KLHL35: variants seen among roughly 807,000 people sequenced by gnomAD.
The protein encoded by KLHL35 is kelch-like protein 35.
KLHL35 carries 50 observed loss-of-function variants against 44.0 expected under a neutral mutation model. The observed-to-expected ratio is 1.14, with a 90% CI of 0.91 to 1.44. The LOEUF is 1.44. Among genes scored for constraint, KLHL35 ranks in the 40% most tolerant of loss-of-function variants. The pLI is 0.00. For missense variants in KLHL35, 1,049 were observed against 887.8 expected (o/e 1.18, Z -2.31); for synonymous variants, 470 against 410.4 (o/e 1.15, Z -1.76).
chr11:75,428,597 A>T lies in KLHL35; in HGVS notation c.911T>A (p.Val304Asp), dbSNP rs1367858631. The change falls in exon 3 of 7, where the codon GTC (valine) becomes GAC (aspartate). Residue 304 changes from valine (V) to aspartate (D), a missense_variant. Physicochemically the swap from Val to Asp is radical, Grantham distance 152 (BLOSUM62 -3). Coordinates refer to ENST00000539798, the MANE Select transcript of KLHL35 (RefSeq NM_001039548.3). Reference sequence around the variant, plus strand: ...ACCTTTGCGGTCGCAACCGCCGATGACCACGATCACTTCAGCTAGGTCCAT... The same window carrying T: ...ACCTTTGCGGTCGCAACCGCCGATGTCCACGATCACTTCAGCTAGGTCCAT... ...RFMDLAEVIVVIGGCDRKGLL... is the reference protein window; with the variant it reads ...RFMDLAEVIVDIGGCDRKGLL... The T allele has an allele frequency of 6.2e-7, 1 of 1,604,152 alleles. No individual in the cohort carries two copies. The highest frequency in any genetic ancestry group is 2.2e-5 in the East Asian group (1 of 44,850).
intron 2 of KLHL35, among the ~76,000 whole-genome samples, chr11:75,428,949 C>T (rs927817192): frequency 1.3e-5 from 2 of 152,334 alleles, no homozygotes; most frequent in South Asian, 2.1e-4. Context: ...GGGATTATTA[C>T]CCCTTTCTCA....
intron 2 of KLHL35, among the ~76,000 whole-genome samples, chr11:75,429,119 C>G (rs1948513680): frequency 6.6e-6 from 1 of 152,230 alleles, no homozygotes; most frequent in African/African-American, 2.4e-5. Flanking sequence ...ATGACATCCC[C>G]TCATCCCTAA....
intron 6 of KLHL35, 93 bp from the exon 7 acceptor site, chr11:75,422,861 C>T: frequency 8.3e-7 from 1 of 1,208,740 alleles, no homozygotes; most frequent in East Asian, 2.3e-5. Context: ...CCTTGACCCA[C>T]AGACTGTGAA....
In KLHL35 at chr11:75,428,634, G is replaced by A. The variant is rs567459790; in HGVS notation, c.882-8C>T. The A allele has an allele frequency of 1.4e-4, 223 of 1,573,540 alleles. No individual in the cohort carries two copies. In the South Asian group the frequency reaches 1.6e-3, roughly 11 times the overall value. ...TCAGCTAGGTCCATGAATCTGGCGT[G>A]CGGATAAGCCCAGTGCCTGTTGGGC... On this transcript the variant is annotated splice_region_variant and splice_polypyrimidine_tract_variant and intron_variant, in intron 2 of 6. Transcript: ENST00000539798.
intron 2 of KLHL35, 102 bp downstream of exon 2, chr11:75,429,643 CTGAA>C (rs757142127): frequency 2.2e-5 from 28 of 1,299,188 alleles, no homozygotes; most frequent in Non-Finnish European, 2.7e-5. Context: ...GAACGAATGA[CTGAA>C]TATCATCAAG....
chr11:75,427,026 A>G (rs1948498158), intron 3 of KLHL35, among the ~76,000 whole-genome samples: 1 of 152,188 alleles, frequency 6.6e-6, no homozygotes, highest in South Asian at 2.1e-4. Flanking sequence ...GGAAAAGCAG[A>G]GCCAGCTGCA....
chr11:75,432,471 C>T (rs918588953), intron 1 of KLHL35, among the ~76,000 whole-genome samples: 6 of 152,150 alleles, frequency 3.9e-5, no homozygotes, highest in African/African-American at 1.4e-4. Context: ...GGAAGTGAGA[C>T]CGGTCATCAC....
intron 1 of KLHL35, among the ~76,000 whole-genome samples, chr11:75,432,396 A>G (rs1948544230): frequency 6.6e-6 from 1 of 152,202 alleles, no homozygotes; most frequent in Admixed American, 6.5e-5. Context: ...ACCTGGCTCC[A>G]GGGTTTGCAT....
rs759314666 is a variant in KLHL35 at position 75,425,524 on chromosome 11, C to G, written c.1243G>C (p.Asp415His). 2 of 1,555,828 alleles carry G rather than the reference C, an allele frequency of 1.3e-6. No individual in the cohort carries two copies. The highest frequency in any genetic ancestry group is 2.0e-5 in the Admixed American group (1 of 49,256). ...GCCGCCCAGGTGTTGGAGAAGGGGT[C>G]GTAGCGCTCCACGCTGTGCAGGCGC... The part of the protein sequence containing the change: ...LRRLHSVERY[D>H]PFSNTWAAAA... The change falls in exon 5 of 7, where the codon GAC (aspartate) becomes CAC (histidine). Residue 415 changes from aspartate to histidine, a missense_variant. By Grantham distance (81) the Asp-to-His change is moderately conservative. Coordinates refer to ENST00000539798, the MANE Select transcript of KLHL35 (RefSeq NM_001039548.3).
At position 75,423,784 on chromosome 11, in the gene KLHL35, T is replaced by C; in HGVS notation, c.1471A>G (p.Ile491Val). The change falls in exon 6 of 7, where the codon ATC (isoleucine) becomes GTC (valine). Residue 491 changes from isoleucine to valine, a missense_variant. Transcript: ENST00000539798. ...CTCATGAGACCCCCCATGACATAGA[T>C]GGTGTCCTCAAGGGAGACAGCCTCG... is the stretch of plus-strand genomic sequence containing the variant. ...CLEAVSLEDT[I>V]YVMGGLMSKI... 1.2e-6 allele frequency: 2 copies of C among 1,613,810 alleles called. No homozygotes were observed. Among genetic ancestry groups the C allele is most frequent in the East Asian group, 2.2e-5 (1 of 44,882 alleles).
At position 75,428,598 on chromosome 11, in the gene KLHL35, C is replaced by T. The variant is rs1459786486; in HGVS notation, c.910G>A (p.Val304Ile). The change falls in exon 3 of 7, where the codon GTC becomes ATC. Residue 304 changes from valine to isoleucine, a missense_variant. Val to Ile is a conservative substitution (Grantham distance 29). Transcript: ENST00000539798. ...CCTTTGCGGTCGCAACCGCCGATGA[C>T]CACGATCACTTCAGCTAGGTCCATG... ...RFMDLAEVIVVIGGCDRKGLL... is the reference protein window; with the variant it reads ...RFMDLAEVIVIIGGCDRKGLL... 6.2e-7 allele frequency: 1 copy of T among 1,603,742 alleles called. No individual in the cohort carries two copies. Among genetic ancestry groups the T allele is most frequent in the South Asian group, 1.1e-5 (1 of 89,802 alleles).
In KLHL35 at chr11:75,425,534, C is replaced by T; in HGVS notation, c.1233G>A (p.Val411=). 2 of 1,529,876 alleles carry T rather than the reference C, an allele frequency of 1.3e-6. No individual in the cohort carries two copies. The highest frequency in any genetic ancestry group is 1.3e-5 in the South Asian group (1 of 79,716). The allele number at this position is 1,529,876 out of a possible 1,614,324, so 94.8% of individuals were successfully genotyped here. A position where few individuals can be genotyped will look rare whatever the true frequency, so the allele number is the denominator to read the frequency against. The stretch of plus-strand genomic sequence containing the variant: ...TGTTGGAGAAGGGGTCGTAGCGCTC[C>T]ACGCTGTGCAGGCGCCTCAGGCCGT... ...GFDGLRRLHS[V]ERYDPFSNTW... is the part of the protein sequence containing the mutation. The change falls in exon 5 of 7, where the codon GTG becomes GTA. Residue 411 remains valine, a synonymous_variant. Transcript: ENST00000539798.
rs765652668 is a variant in KLHL35 at position 75,430,402 on chromosome 11, C to T, written c.228G>A (p.Glu76=). 1 of 1,376,286 alleles carries T rather than the reference C, an allele frequency of 7.3e-7. No individual in the cohort carries two copies. The highest frequency in any genetic ancestry group is 1.5e-5 in the South Asian group (1 of 65,638). The allele number at this position is 1,376,286 out of a possible 1,614,324, so 85.3% of individuals were successfully genotyped here. A position where few individuals can be genotyped will look rare whatever the true frequency, so the allele number is the denominator to read the frequency against. ...CCACTGGCACCACGGCCGGGCCGCG[C>T]TCGGGCCGCCCGGCCGCGAACAAGC... The part of the protein sequence containing the change: ...FRSLFAAGRP[E]RGPAVVPVVP... The change falls in exon 2 of 7, where the codon GAG becomes GAA. Residue 76 remains glutamate, a synonymous_variant. Coordinates refer to ENST00000539798, the MANE Select transcript of KLHL35 (RefSeq NM_001039548.3).
intron 6 of KLHL35, 106 bp downstream of exon 6, chr11:75,423,586 T>A: frequency 1.2e-6 from 1 of 851,418 alleles, no homozygotes; most frequent in Non-Finnish European, 1.9e-6. Flanking sequence ...AGCTAGAGAG[T>A]GATGTATAAT....
Position 75,433,040 on chromosome 11 carries a change from T to C in KLHL35, c.-2+3A>G, listed in dbSNP as rs1267637899. Among the ~76,000 whole-genome samples the C allele has an allele frequency of 2.6e-5, 4 of 152,180 alleles. No homozygotes were observed. The highest frequency in any genetic ancestry group is 1.9e-4 in the East Asian group (1 of 5,196). Reference sequence around the variant, plus strand: ...AGCCTTGCCCCATGCACCTGGCACTTACCTGGCCATACCCTCTCCCAAGTG... The same window carrying C: ...AGCCTTGCCCCATGCACCTGGCACTCACCTGGCCATACCCTCTCCCAAGTG... On this transcript the variant is annotated splice_donor_region_variant and intron_variant, in intron 1 of 6. Coordinates refer to ENST00000539798, the MANE Select transcript of KLHL35 (RefSeq NM_001039548.3).
Position 75,423,715 on chromosome 11 carries a change from C to T in KLHL35, c.1540G>A (p.Ala514Thr). 1 of 1,613,758 alleles carries T rather than the reference C, an allele frequency of 6.2e-7. No homozygotes were observed. The highest frequency in any genetic ancestry group is 8.5e-7 in the Non-Finnish European group (1 of 1,179,810). ...YDPGTDVWGE[A>T]AVLPSPVESC... is the part of the protein sequence containing the mutation. The stretch of plus-strand genomic sequence containing the variant: ...ACCACAGGGCTGGGGAGGACAGCTG[C>T]CTCCCCCCACACATCTGTGCCTGGA... The change falls in exon 6 of 7, where the codon GCA becomes ACA. Residue 514 changes from alanine to threonine, a missense_variant. Ala to Thr is a moderately conservative substitution (Grantham distance 58). Transcript: ENST00000539798.
At chr11:75,426,238 G>A in intron 4 of KLHL35, 1 of 227,958 alleles carries the variant, frequency 4.4e-6, no homozygotes, top group Non-Finnish European at 8.7e-6. Flanking sequence ...TACAGCCACT[G>A]CGCCCGGCCG....
chr11:75,428,327 G>C, intron 3 of KLHL35, 115 bp downstream of exon 3: 1 of 1,227,052 alleles, frequency 8.1e-7, no homozygotes. Context: ...AATAACTGTA[G>C]GTTATCAGAA....
chr11:75,432,411 C>T (rs757431155), intron 1 of KLHL35, among the ~76,000 whole-genome samples: 32 of 152,216 alleles, frequency 2.1e-4, no homozygotes, highest in Non-Finnish European at 3.4e-4. Flanking sequence ...TTGCATGCCA[C>T]ACTTGCCAGG....
Sources: gnomAD v4.1 joint callset for allele counts (sites outside exome capture counted in the v4.1 genomes callset) on GRCh38, gnomAD v4.1.1 for gene constraint, MANE v1.5 for transcripts, NCBI Gene and HGNC (gene_info 2026-07-23, HGNC 2026-07-21) for gene names.